The following ATP13A2 variants were observed in gnomAD, a reference collection of about 807,000 sequenced individuals.
ATP13A2 encodes polyamine-transporting ATPase 13A2.
A neutral mutation model predicts 138.3 loss-of-function variants in ATP13A2; 83 were observed. That is an observed-to-expected ratio of 0.60 (90% CI 0.50 to 0.72). ATP13A2 has a LOEUF of 0.72. Among genes scored for constraint, ATP13A2 ranks in the 30% least tolerant of loss-of-function variants. The pLI, the probability that ATP13A2 is intolerant of heterozygous loss-of-function variation, is 0.00. For missense variants in ATP13A2, 1,402 were observed against 1,606.4 expected, an observed-to-expected ratio of 0.87 and a Z score of 2.17; for synonymous variants, 663 against 699.0, an observed-to-expected ratio of 0.95 and a Z score of 0.81.
intron 1 of ATP13A2, among the ~76,000 whole-genome samples, chr1:17,010,752 C>T (rs1461936785): frequency 1.3e-5 from 2 of 152,174 alleles, no homozygotes; most frequent in African/African-American, 2.4e-5. Context: ...GGTCACAGCT[C>T]GGGGCAGTGT....
chr1:16,998,425 C>A (rs371578182), intron 11 of ATP13A2, among the ~76,000 whole-genome samples: 2 of 151,998 alleles, frequency 1.3e-5, no homozygotes, highest in South Asian at 2.1e-4. Flanking sequence ...AGGCTGTTTT[C>A]GAACTCCTCA....
In ATP13A2 at chr1:16,995,570, C is replaced by T. The variant is rs573795691; in HGVS notation, c.1542+406G>A. 2.5e-4 allele frequency: 83 copies of T among 336,674 alleles called. No homozygotes were observed. The highest frequency in any genetic ancestry group is 4.5e-4 in the Non-Finnish European group (77 of 170,858). 20.9% of individuals were successfully genotyped at this position (336,674 alleles called of 1,614,324 possible). A position where few individuals can be genotyped will look rare whatever the true frequency, so the allele number is the denominator to read the frequency against. ...CTCTGCGATTCTCCTGCCTCAGCCT[C>T]CCGAGTAGCTGGGATTACAAGCATG... On this transcript the variant is annotated intron_variant, in intron 15 of 28. Coordinates refer to ENST00000326735, the MANE Select transcript of ATP13A2 (RefSeq NM_022089.4). This position sits in a 1 kb window ranked among gnomAD's most constrained non-coding sequence, Gnocchi z 4.1.
At position 16,989,704 on chromosome 1, in the gene ATP13A2, G is replaced by T; in HGVS notation, c.2596C>A (p.Leu866Ile). The change falls in exon 23 of 29, where the codon CTA becomes ATA. Residue 866 changes from leucine to isoleucine, a missense_variant. Coordinates refer to ENST00000326735, the MANE Select transcript of ATP13A2 (RefSeq NM_022089.4). The part of the protein sequence containing the change: ...PEQKTELVCE[L>I]QKLQYCVGMC... ...CCGAGCACTCACTGAAGCTTCTGTA[G>T]CTCGCACACCAGCTCTGTCTTCTGC... 1.2e-6 allele frequency: 2 copies of T among 1,614,104 alleles called. No individual in the cohort carries two copies. Among genetic ancestry groups the T allele is most frequent in the Non-Finnish European group, 8.5e-7 (1 of 1,180,048 alleles).
At position 17,005,017 on chromosome 1, in the gene ATP13A2, C is replaced by A. The variant is rs1321429002; in HGVS notation, c.344G>T (p.Gly115Val). Residue 115 changes from glycine to valine, a missense_variant, in exon 4 of 29, where the codon GGC (glycine) becomes GTC (valine). By Grantham distance (109) the Gly-to-Val change is moderately radical. Transcript: ENST00000326735. The stretch of plus-strand genomic sequence containing the variant: ...AGGGGCAATGGGGCTGCCTCACCTG[C>A]CCTCGCCGATGGCCTCAGTCTGCAC... ...VQVQTEAIGEGSLEPSPQSQA... is the reference protein window; with the variant it reads ...VQVQTEAIGEVSLEPSPQSQA... 3 of 1,613,882 alleles carry A rather than the reference C, an allele frequency of 1.9e-6. No homozygotes were observed. Among genetic ancestry groups the A allele is most frequent in the Non-Finnish European group, 2.5e-6 (3 of 1,180,012 alleles).
intron 11 of ATP13A2, 103 bp from the exon 12 acceptor site, chr1:16,997,278 A>C (rs185370948): frequency 7.1e-7 from 1 of 1,401,104 alleles, no homozygotes; most frequent in African/African-American, 1.4e-5. Context: ...GTCTCAGTTA[A>C]CTCTGTAACC....
Position 16,992,395 on chromosome 1 carries a change from G to C in ATP13A2, c.1853C>G (p.Pro618Arg). The C allele has an allele frequency of 6.2e-7, 1 of 1,613,786 alleles. No homozygotes were observed. Among genetic ancestry groups the C allele is most frequent in the African/African-American group, 1.3e-5 (1 of 75,068 alleles). Residue 618 changes from proline to arginine, a missense_variant, in exon 18 of 29, where the codon CCC becomes CGC. By Grantham distance (103) the Pro-to-Arg change is moderately radical. Transcript: ENST00000326735. ...GTGGAGGACGCTGACTGGCACCGGG[G>C]GCTCCTCCTGCAGGGTTGGAGAGGC... ...WEPQLQAMEE[P>R]PVPVSVLHRF...
rs371445094 is a variant in ATP13A2 at position 16,996,140 on chromosome 1, G to A, written c.1378C>T (p.Arg460Trp). ...NRVPLNEIVI[R>W]ALDLVTVVVP... ...ACCACGGTCACCAGGTCGAGAGCCC[G>A]GATTACAATCTCATTCAGAGGCACC... Residue 460 changes from arginine to tryptophan, a missense_variant, in exon 15 of 29, where the codon CGG becomes TGG. Arg to Trp is a moderately radical substitution (Grantham distance 101). Coordinates refer to ENST00000326735, the MANE Select transcript of ATP13A2 (RefSeq NM_022089.4). 38 of 1,614,116 alleles carry A rather than the reference G, an allele frequency of 2.4e-5. No homozygotes were observed. The highest frequency in any genetic ancestry group is 1.1e-4 in the East Asian group (5 of 44,886).
At chr1:17,005,317 C>T in intron 3 of ATP13A2, 57 bp downstream of exon 3, 1 of 1,552,956 alleles carries the variant, frequency 6.4e-7, no homozygotes. Flanking sequence ...GCATCCTCCA[C>T]CCCCGACCCT....
intron 11 of ATP13A2, among the ~76,000 whole-genome samples, chr1:16,999,171 A>G (rs2077249851): frequency 6.6e-6 from 1 of 152,040 alleles, no homozygotes; most frequent in Non-Finnish European, 1.5e-5. Context: ...ACTTGAGGTC[A>G]GGAGTTCAAG....
chr1:17,006,430 T>C (rs2101154183), intron 1 of ATP13A2, among the ~76,000 whole-genome samples: 2 of 151,798 alleles, frequency 1.3e-5, no homozygotes, highest in East Asian at 2.0e-4. Context: ...TTTGTATTTT[T>C]AGTAGAGATG....
chr1:17,005,977 T>TA (rs896198752), intron 1 of ATP13A2, among the ~76,000 whole-genome samples, 199 bp from the exon 2 acceptor site: 1 of 151,712 alleles, frequency 6.6e-6, no homozygotes, highest in African/African-American at 2.4e-5. Context: ...CTACTAAAAA[T>TA]AAAAAAAATT....
At chr1:17,000,167 C>T in intron 10 of ATP13A2, 25 bp from the exon 11 acceptor site, 1 of 1,612,508 alleles carries the variant, frequency 6.2e-7, no homozygotes, top group Non-Finnish European at 8.5e-7. Context: ...GAGAGGAGCT[C>T]AGCTAGGTGG....
chr1:17,003,255 GCATT>G (rs2077426930), intron 6 of ATP13A2, among the ~76,000 whole-genome samples: 1 of 152,122 alleles, frequency 6.6e-6, no homozygotes, highest in South Asian at 2.1e-4. Flanking sequence ...TGCTTCTGCG[GCATT>G]CAAACTAAAG....
chr1:17,002,772 G>A (rs2077407239), intron 6 of ATP13A2, among the ~76,000 whole-genome samples: 1 of 152,178 alleles, frequency 6.6e-6, no homozygotes. Flanking sequence ...TAGATTAAGT[G>A]GGGCAAGCCT....
At position 17,002,071 on chromosome 1, in the gene ATP13A2, A is replaced by G. The variant is rs771489150; in HGVS notation, c.668T>C (p.Ile223Thr). ...KAIYGPNVIS[I>T]PVKSYPQLLV... ...CAGCTGGGGGTAGGACTTGACCGGT[A>G]TGCTGATCACGTTGGGGCCGTAAAT... The change falls in exon 8 of 29, where the codon ATA (isoleucine) becomes ACA (threonine). Residue 223 changes from isoleucine to threonine, a missense_variant. Transcript: ENST00000326735. The G allele has an allele frequency of 1.9e-6, 3 of 1,613,770 alleles. No individual in the cohort carries two copies. In the Admixed American group the frequency reaches 5.0e-5, roughly 27 times the overall value.
chr1:16,993,508 TA>T, intron 16 of ATP13A2, 120 bp downstream of exon 16: 1 of 1,028,608 alleles, frequency 9.7e-7, no homozygotes, highest in Non-Finnish European at 1.4e-6. Flanking sequence ...GCGCCTGGCC[TA>T]TTATTATTAA....
At chr1:17,010,675 G>GAGTA (rs1433806956) in intron 1 of ATP13A2, among the ~76,000 whole-genome samples, 2 of 152,190 alleles carry the variant, frequency 1.3e-5, no homozygotes, top group African/African-American at 2.4e-5. Context: ...AGGCCCAGAG[G>GAGTA]AGTAGATTGA....
chr1:17,003,177 C>T (rs907845272), intron 6 of ATP13A2, among the ~76,000 whole-genome samples: 3 of 152,182 alleles, frequency 2.0e-5, no homozygotes, highest in Non-Finnish European at 4.4e-5. Flanking sequence ...GCTTCCATCC[C>T]TTCCCCAGCA....
Position 17,004,382 on chromosome 1 carries a change from C to T in ATP13A2, c.507G>A (p.Gln169=). ...QKRVLRYYLF[Q]GQRYIWIETQ... ...TCTCGATCCAGATATAGCGCTGGCC[C>T]TGGAAGAGGTAATACCGCAGCACCC... The change falls in exon 6 of 29, where the codon CAG becomes CAA. Residue 169 remains glutamine, a synonymous_variant. Coordinates refer to ENST00000326735, the MANE Select transcript of ATP13A2 (RefSeq NM_022089.4). This position sits in a 1 kb window ranked among gnomAD's most constrained non-coding sequence, Gnocchi z 4.1. 1 of 1,614,066 alleles carries T rather than the reference C, an allele frequency of 6.2e-7. No homozygotes were observed. The highest frequency in any genetic ancestry group is 1.1e-5 in the South Asian group (1 of 91,062).
Sources: allele counts gnomAD v4.1 joint callset (sites outside exome capture counted in the v4.1 genomes callset), GRCh38; gene constraint gnomAD v4.1.1; non-coding constraint Gnocchi (gnomAD v3.1); transcripts MANE v1.5; gene names NCBI Gene and HGNC (gene_info 2026-07-23, HGNC 2026-07-21).